Variants in JAG1 observed in about 807,000 individuals in gnomAD.
The protein encoded by JAG1 is jagged canonical Notch ligand 1, also known as protein jagged-1.
A neutral mutation model predicts 148.7 loss-of-function variants in JAG1; 23 were observed. That is an observed-to-expected ratio of 0.15 (90% CI 0.11 to 0.22). The LOEUF (loss-of-function observed/expected upper bound fraction) is 0.22. Among genes scored for constraint, JAG1 ranks in the 10% least tolerant of loss-of-function variants. The probability of loss-of-function intolerance (pLI) is 1.00; values close to 1 mark genes in which losing one functional copy is unlikely to be tolerated. For synonymous variants in JAG1, 572 were observed against 598.3 expected, an observed-to-expected ratio of 0.96 and a Z score of 0.64; for missense variants, 1,054 against 1,611.2, an observed-to-expected ratio of 0.65 and a Z score of 5.92.
intron 8 of JAG1, 188 bp from the exon 9 acceptor site, chr20:10,650,548 C>T (rs1281039187): frequency 6.8e-6 from 4 of 589,368 alleles, no homozygotes; most frequent in Non-Finnish European, 1.2e-5. Context: ...TTTAAATCCC[C>T]CACTGCCCCA....
chr20:10,662,166 G>A (rs901863645), intron 3 of JAG1: 1 of 152,122 alleles, frequency 6.6e-6, no homozygotes, highest in Non-Finnish European at 1.5e-5. Context: ...AACCTGCAAT[G>A]GGCACCCTTG....
At chr20:10,665,589 T>C (rs1015061649) in intron 2 of JAG1, among the ~76,000 whole-genome samples, 1 of 152,232 alleles carries the variant, frequency 6.6e-6, no homozygotes, top group African/African-American at 2.4e-5. Context: ...ATTTCTCTAC[T>C]GATTTGAGGT....
chr20:10,645,069 G>T lies in JAG1; in HGVS notation c.2227+74C>A. On this transcript the variant is annotated intron_variant, in intron 17 of 25. Transcript: ENST00000254958. This position sits in a 1 kb window ranked among gnomAD's most constrained non-coding sequence, Gnocchi z 6.1. ...AACCAGGCCCAGAGAAATATCATAA[G>T]CTCCAGGGGCCAACCAGCAGACACG... The T allele has an allele frequency of 6.6e-7, 1 of 1,511,520 alleles. No homozygotes were observed. The highest frequency in any genetic ancestry group is 9.2e-7 in the Non-Finnish European group (1 of 1,086,512). 93.6% of individuals were successfully genotyped at this position (1,511,520 alleles called of 1,614,324 possible).
chr20:10,651,292 A>T (rs1005051786), intron 8 of JAG1: 6 of 376,106 alleles, frequency 1.6e-5, no homozygotes, highest in African/African-American at 1.2e-4. Context: ...CAAGAAGAAT[A>T]ACCACAATTG....
At chr20:10,647,457 G>A in intron 13 of JAG1, 3 of 415,908 alleles carry the variant, frequency 7.2e-6, no homozygotes, top group South Asian at 6.6e-5. Context: ...AAGGCTCAAG[G>A]ACAATCTTAT....
intron 5 of JAG1, among the ~76,000 whole-genome samples, chr20:10,655,386 G>A (rs2067371853): frequency 6.6e-6 from 1 of 152,130 alleles, no homozygotes; most frequent in South Asian, 2.1e-4. Context: ...GTTAATTCTG[G>A]AAGTTACACT....
In JAG1 at chr20:10,646,959, G is replaced by A. The variant is rs764089304; in HGVS notation, c.1865C>T (p.Thr622Met). The A allele has an allele frequency of 2.9e-5, 46 of 1,614,018 alleles. 1 individual carries two copies. In the Admixed American group the frequency reaches 3.7e-4, roughly 13 times the overall value. ...KFTCDCNKGF[T>M]GTYCHENIND... is the part of the protein sequence containing the mutation. ...CTTACTTTCATGGCAGTATGTTCCC[G>A]TGAAGCCTTTGTTACAGTCACAGGT... is the stretch of plus-strand genomic sequence containing the variant. Residue 622 changes from threonine (T) to methionine (M), a missense_variant, in exon 14 of 26, where the codon ACG (threonine) becomes ATG (methionine). By Grantham distance (81) the Thr-to-Met change is moderately conservative (BLOSUM62 -1). This residue lies in a region of JAG1 where 35 missense variants were observed against 99.7 expected (regional missense o/e 0.35). Coordinates refer to ENST00000254958, the MANE Select transcript of JAG1 (RefSeq NM_000214.3).
intron 5 of JAG1, 146 bp from the exon 6 acceptor site, chr20:10,652,744 C>T (rs2067355429): frequency 1.3e-6 from 1 of 744,908 alleles, no homozygotes. Flanking sequence ...ATCAGGGGCT[C>T]CGTATAAACA....
At chr20:10,640,959 GAGTC>G (rs775448182) in intron 24 of JAG1, 26 bp from the exon 25 acceptor site, 1 of 1,613,578 alleles carries the variant, frequency 6.2e-7, no homozygotes, top group African/African-American at 1.3e-5. Flanking sequence ...TCAGACTTGA[GAGTC>G]AGAGGAATAC....
Position 10,639,549 on chromosome 20 carries a change from G to A in JAG1, c.3606C>T (p.Asn1202=), listed in dbSNP as rs771820710. The part of the protein sequence containing the change: ...KHPNWTNKQD[N]RDLESAQSLN... ...AGCTCTGGGCACTTTCCAAGTCTCT[G>A]TTGTCCTGTTTGTTTGTCCAGTTTG... is the stretch of plus-strand genomic sequence containing the variant. The change falls in exon 26 of 26, where the codon AAC becomes AAT. Residue 1202 remains asparagine (N), a synonymous_variant. Coordinates refer to ENST00000254958, the MANE Select transcript of JAG1 (RefSeq NM_000214.3). 6 of 1,614,206 alleles carry A rather than the reference G, an allele frequency of 3.7e-6. No individual in the cohort carries two copies. The highest frequency in any genetic ancestry group is 5.1e-6 in the Non-Finnish European group (6 of 1,180,036).
intron 18 of JAG1, 33 bp from the exon 19 acceptor site, chr20:10,644,417 T>C: frequency 6.3e-7 from 1 of 1,591,848 alleles, no homozygotes; most frequent in Middle Eastern, 1.7e-4. Flanking sequence ...TAGTGAGGAC[T>C]TCAACAGGGA....
Position 10,645,996 on chromosome 20 carries a change from G to T in JAG1, c.1974C>A (p.Gly658=). 6.2e-7 allele frequency: 1 copy of T among 1,613,300 alleles called. No homozygotes were observed. Among genetic ancestry groups the T allele is most frequent in the Middle Eastern group, 1.7e-4 (1 of 6,058 alleles). Residue 658 remains glycine, a synonymous_variant, in exon 15 of 26, where the codon GGC becomes GGA. Coordinates refer to ENST00000254958, the MANE Select transcript of JAG1 (RefSeq NM_000214.3). This position sits in a 1 kb window ranked among gnomAD's most constrained non-coding sequence, Gnocchi z 6.1. ...TGGTTTCACAGTAGGCCCCCTCCCA[G>T]CCGTCACTACAGATGCACTTGTAGG... ...VNSYKCICSD[G]WEGAYCETNI...
intron 2 of JAG1, among the ~76,000 whole-genome samples, chr20:10,664,411 C>CAA (rs2067438826): frequency 6.7e-6 from 1 of 149,288 alleles, no homozygotes; most frequent in South Asian, 2.1e-4. Context: ...CACACACACA[C>CAA]AAAGAATTTA....
chr20:10,645,745 A>G lies in JAG1; in HGVS notation c.1999+226T>C, dbSNP rs1482629611. 3.2e-6 allele frequency: 2 copies of G among 618,730 alleles called. No individual in the cohort carries two copies. Among genetic ancestry groups the G allele is most frequent in the Non-Finnish European group, 5.7e-6 (2 of 350,274 alleles). The allele number at this position is 618,730 out of a possible 1,614,324, so 38.3% of individuals were successfully genotyped here. A position where few individuals can be genotyped will look rare whatever the true frequency, so the allele number is the denominator to read the frequency against. On this transcript the variant is annotated intron_variant, in intron 15 of 25. Transcript: ENST00000254958. This position sits in a 1 kb window ranked among gnomAD's most constrained non-coding sequence, Gnocchi z 6.1. ...ACTTTCCTTGCAAGCAGGAATATTT[A>G]TTACACAGTCTAATTCTATAGGTCC...
At chr20:10,644,064 C>T (rs569037657) in intron 19 of JAG1, among the ~76,000 whole-genome samples, 123 of 152,154 alleles carry the variant, frequency 8.1e-4, no homozygotes, top group Admixed American at 1.0e-3. Flanking sequence ...GCCCAGGCAG[C>T]GGGATTTTTA....
chr20:10,658,776 G>T, intron 3 of JAG1, 54 bp from the exon 4 acceptor site: 2 of 1,602,038 alleles, frequency 1.2e-6, no homozygotes, highest in South Asian at 2.2e-5. Context: ...CTTCTTCCCT[G>T]ACCATTTTGG....
chr20:10,651,713 C>T lies in JAG1; in HGVS notation c.1007-19G>A. The T allele has an allele frequency of 9.1e-6, 14 of 1,537,612 alleles. No homozygotes were observed. The highest frequency in any genetic ancestry group is 1.3e-5 in the Non-Finnish European group (14 of 1,112,324). On this transcript the variant is annotated intron_variant, in intron 7 of 25. Coordinates refer to ENST00000254958, the MANE Select transcript of JAG1 (RefSeq NM_000214.3). Reference sequence around the variant, plus strand: ...TGCTCAGCTGCAAAAACCAGGATGGCAGTCAGAGAGGGATGCCTGCACACC... The same window carrying T: ...TGCTCAGCTGCAAAAACCAGGATGGTAGTCAGAGAGGGATGCCTGCACACC...
intron 2 of JAG1, 97 bp from the exon 3 acceptor site, chr20:10,664,111 A>C: frequency 2.2e-6 from 2 of 929,536 alleles, no homozygotes; most frequent in Non-Finnish European, 3.6e-6. Flanking sequence ...ACCAAACAAA[A>C]CCATAATGCC....
Position 10,638,201 on chromosome 20 carries a change from CTA to C in JAG1, c.*1295_*1296del, listed in dbSNP as rs1308117446. 1.3e-5 allele frequency: 2 copies of C among 152,456 alleles called. No individual in the cohort carries two copies. Among genetic ancestry groups the C allele is most frequent in the African/African-American group, 4.8e-5 (2 of 41,380 alleles). 9.4% of individuals were successfully genotyped at this position (152,456 alleles called of 1,614,324 possible). A position where few individuals can be genotyped will look rare whatever the true frequency, so the allele number is the denominator to read the frequency against. ...CCTCACTTAAGGCAGGCAGTGTACT[CTA>C]TGGCAAATCTAAACAGTGATCTTAC... On this transcript the variant is annotated 3_prime_UTR_variant, in exon 26 of 26. Transcript: ENST00000254958.
Sources: allele counts gnomAD v4.1 joint callset (sites outside exome capture counted in the v4.1 genomes callset), GRCh38; gene constraint gnomAD v4.1.1; regional missense constraint gnomAD v4.1.1; non-coding constraint Gnocchi (gnomAD v3.1); transcripts MANE v1.5; gene names NCBI Gene and HGNC (gene_info 2026-07-23, HGNC 2026-07-21).